The following IGSF10 variants were observed in gnomAD, a reference collection of about 807,000 sequenced individuals.
IGSF10 encodes immunoglobulin superfamily member 10, also known as calvaria mechanical force protein 608.
A neutral mutation model predicts 128.2 loss-of-function variants in IGSF10; 126 were observed. That is an observed-to-expected ratio of 0.98 (90% CI 0.85 to 1.14). The LOEUF (loss-of-function observed/expected upper bound fraction) is 1.14. Ranked by LOEUF, IGSF10 falls within the 50% of genes most tolerant of loss-of-function variation. The pLI is 0.00. For synonymous variants in IGSF10, 1,185 were observed against 1,146.2 expected (o/e 1.03, Z -0.68); for missense variants, 3,295 against 3,149.8 (o/e 1.05, Z -1.10).
the IGSF10 span, among the ~76,000 whole-genome samples, chr3:151,521,103 C>CA: frequency 6.6e-6 from 1 of 151,712 alleles, no homozygotes; most frequent in East Asian, 1.9e-4. Context: ...AAACAGACTT[C>CA]AAACCAACAG....
chr3:151,515,685 T>A, the IGSF10 span, among the ~76,000 whole-genome samples: 741 of 148,928 alleles, frequency 5.0e-3, 7 homozygotes, highest in African/African-American at 0.018. Context: ...AAAAAATATA[T>A]AATATATATA....
chr3:151,462,962 C>G (rs1458672100), upstream of IGSF10, among the ~76,000 whole-genome samples: 2 of 152,162 alleles, frequency 1.3e-5, no homozygotes, highest in African/African-American at 4.8e-5. Flanking sequence ...TGGTGACCAA[C>G]CTCATGGCTT....
At chr3:151,472,286 T>C in the IGSF10 span, among the ~76,000 whole-genome samples, 1 of 152,184 alleles carries the variant, frequency 6.6e-6, no homozygotes, top group Non-Finnish European at 1.5e-5. Flanking sequence ...ATTCTTGCAA[T>C]AGTTTGCATG....
At chr3:151,436,174 T>C (rs540563948), downstream of IGSF10, 4 of 152,400 alleles carry the variant, frequency 2.6e-5, no homozygotes, top group African/African-American at 7.2e-5. Flanking sequence ...TGTGAACAAA[T>C]GGTGAATCAT....
At chr3:151,550,266 A>ACATTTTCAT in the IGSF10 span, among the ~76,000 whole-genome samples, 3 of 152,160 alleles carry the variant, frequency 2.0e-5, no homozygotes, top group Non-Finnish European at 2.9e-5. Flanking sequence ...AGTGAGTTTG[A>ACATTTTCAT]CATTTTCATC....
At chr3:151,531,301 C>A in the IGSF10 span, among the ~76,000 whole-genome samples, 3,756 of 152,210 alleles carry the variant, frequency 0.025, 73 homozygotes, top group African/African-American at 0.059. Context: ...ACAAGGATAT[C>A]CAGGACTTGA....
intron 7 of IGSF10, chr3:151,440,531 T>C (rs1478074298): frequency 4.4e-6 from 2 of 456,728 alleles, no homozygotes; most frequent in Admixed American, 4.7e-5. Flanking sequence ...ATTCCCTCAC[T>C]ATACAGCTGA....
In IGSF10 at chr3:151,447,726, T is replaced by A; in HGVS notation, c.2255A>T (p.Asp752Val). The change falls in exon 6 of 8, where the codon GAC (aspartate) becomes GTC (valine). Residue 752 changes from aspartate (D) to valine (V), a missense_variant. Transcript: ENST00000282466. ...CAACAGTGCCGCCCAATGTTGTGGG[T>A]CAATTCTCCTAGCAGAGGGAGGGAA... ...RHFPPSARRI[D>V]PQHWAALLEK... 1.2e-6 allele frequency: 2 copies of A among 1,614,146 alleles called. No homozygotes were observed. The highest frequency in any genetic ancestry group is 1.7e-6 in the Non-Finnish European group (2 of 1,180,030).
chr3:151,535,806 C>T, the IGSF10 span, among the ~76,000 whole-genome samples: 1 of 152,274 alleles, frequency 6.6e-6, no homozygotes, highest in African/African-American at 2.4e-5. Context: ...ACAAGTCTTA[C>T]ATTTTCAATA....
At chr3:151,507,796 G>A in the IGSF10 span, among the ~76,000 whole-genome samples, 2 of 151,930 alleles carry the variant, frequency 1.3e-5, no homozygotes, top group African/African-American at 4.8e-5. Context: ...ATGAGATTTG[G>A]GTGAGAACAC....
the IGSF10 span, among the ~76,000 whole-genome samples, chr3:151,485,315 T>A: frequency 1.3e-5 from 2 of 152,048 alleles, no homozygotes; most frequent in Non-Finnish European, 2.9e-5. Context: ...AAAGACCAAA[T>A]CTATGTTTGA....
chr3:151,443,416 A>AT lies in IGSF10; in HGVS notation c.5530dup (p.Ile1844AsnfsTer15). The AT allele has an allele frequency of 6.2e-7, 1 of 1,614,238 alleles. No homozygotes were observed. The highest frequency in any genetic ancestry group is 8.5e-7 in the Non-Finnish European group (1 of 1,180,046). Reference sequence around the variant, plus strand: ...AATGACTTGCCTCCTTTGCTCTAGAATAACAGGTGGTGCTGCAATGACTTG... The same window carrying AT: ...AATGACTTGCCTCCTTTGCTCTAGAATTAACAGGTGGTGCTGCAATGACTTG... On this transcript the variant is annotated frameshift_variant, in exon 7 of 8. Transcript: ENST00000282466. LOFTEE classifies it high-confidence loss of function.
the IGSF10 span, among the ~76,000 whole-genome samples, chr3:151,550,958 GTCCCCATT>G: frequency 2.6e-5 from 4 of 152,202 alleles, no homozygotes; most frequent in African/African-American, 9.6e-5. Flanking sequence ...TCTGCTCCTT[GTCCCCATT>G]GGCTCTCACT....
the IGSF10 span, among the ~76,000 whole-genome samples, chr3:151,580,180 C>T: frequency 1.3e-5 from 2 of 151,744 alleles, no homozygotes; most frequent in African/African-American, 2.4e-5. Flanking sequence ...CCAGTCTCTA[C>T]AAAAAATTGA....
chr3:151,546,599 C>A, the IGSF10 span, among the ~76,000 whole-genome samples: 1 of 151,960 alleles, frequency 6.6e-6, no homozygotes, highest in Non-Finnish European at 1.5e-5. Context: ...TCAAATCCCT[C>A]CTTGGCTTCC....
rs773341578 is a variant in IGSF10 at position 151,443,097 on chromosome 3, C to A, written c.5850G>T (p.Arg1950Ser). Residue 1950 changes from arginine to serine, a missense_variant, in exon 7 of 8, where the codon AGG (arginine) becomes AGT (serine). By Grantham distance (110) the Arg-to-Ser change is moderately radical. Coordinates refer to ENST00000282466, the MANE Select transcript of IGSF10 (RefSeq NM_178822.5). ...ATTTGTCCCCAAAATTCACTTCAGTCCTTTTCTGGGATGCAGCTTCTATCC... is the reference window on the plus strand; with the variant it reads ...ATTTGTCCCCAAAATTCACTTCAGTACTTTTCTGGGATGCAGCTTCTATCC... ...SPRIEAASQK[R>S]TEVNFGDKLL... The A allele has an allele frequency of 6.2e-7, 1 of 1,614,140 alleles. No homozygotes were observed. The highest frequency in any genetic ancestry group is 1.3e-5 in the African/African-American group (1 of 74,950).
the IGSF10 span, among the ~76,000 whole-genome samples, chr3:151,501,784 G>A: frequency 1.3e-5 from 2 of 152,048 alleles, no homozygotes; most frequent in African/African-American, 2.4e-5. Context: ...GAAAAGTACA[G>A]TTCACAAACA....
chr3:151,505,968 T>A, the IGSF10 span, among the ~76,000 whole-genome samples: 1 of 151,342 alleles, frequency 6.6e-6, no homozygotes, highest in Non-Finnish European at 1.5e-5. Flanking sequence ...TTTTTTTTTT[T>A]TGAGATGGAG....
At chr3:151,516,275 G>A in the IGSF10 span, among the ~76,000 whole-genome samples, 10 of 151,980 alleles carry the variant, frequency 6.6e-5, no homozygotes, top group South Asian at 4.1e-4. Context: ...CATCCTTGAC[G>A]TGAACAGCTT....
Sources: allele counts gnomAD v4.1 joint callset (sites outside exome capture counted in the v4.1 genomes callset), GRCh38; gene constraint gnomAD v4.1.1; transcripts MANE v1.5; gene names NCBI Gene and HGNC (gene_info 2026-07-23, HGNC 2026-07-21).